LARGE1: variants seen among roughly 807,000 people sequenced by gnomAD.
LARGE1 encodes LARGE xylosyl- and glucuronyltransferase 1, also known as xylosyl- and glucuronyltransferase LARGE1.
Under a neutral mutation model 87.6 loss-of-function variants are expected in LARGE1, and 43 were observed. The ratio of observed to expected loss-of-function variants is 0.49; its 90% CI spans 0.38 to 0.63. The LOEUF (loss-of-function observed/expected upper bound fraction) is 0.63. Ranked by LOEUF, LARGE1 falls within the 30% of genes least tolerant of loss-of-function variation. The probability of loss-of-function intolerance (pLI) is 0.00; values close to 1 mark genes in which losing one functional copy is unlikely to be tolerated. For missense variants in LARGE1, 802 were observed against 1,000.2 expected (o/e 0.80, Z 2.67); for synonymous variants, 434 against 394.6 (o/e 1.10, Z -1.18).
chr22:33,584,332 G>A (rs1050654976), intron 5 of LARGE1, among the ~76,000 whole-genome samples: 1 of 152,056 alleles, frequency 6.6e-6, no homozygotes. Context: ...CCTAGCATGG[G>A]AACACCACAC....
chr22:33,175,834 C>A (rs1428609434), intron 11 of LARGE1, among the ~76,000 whole-genome samples: 1 of 152,128 alleles, frequency 6.6e-6, no homozygotes, highest in Non-Finnish European at 1.5e-5. Context: ...AAAAAAGAGC[C>A]CGCATTACCA....
intron 11 of LARGE1, among the ~76,000 whole-genome samples, chr22:33,173,140 A>G (rs1181333427): frequency 1.3e-5 from 2 of 152,248 alleles, no homozygotes; most frequent in African/African-American, 2.4e-5. Context: ...AGAGAAGCCC[A>G]TTCGATTAAC....
chr22:33,075,292 T>G, the LARGE1 span, among the ~76,000 whole-genome samples: 3 of 152,042 alleles, frequency 2.0e-5, no homozygotes, highest in Non-Finnish European at 4.4e-5. Context: ...ACCGTGGTCT[T>G]CTAACTTTAG....
chr22:33,476,137 T>C (rs2069066935), intron 6 of LARGE1, among the ~76,000 whole-genome samples: 1 of 152,262 alleles, frequency 6.6e-6, no homozygotes, highest in Non-Finnish European at 1.5e-5. Context: ...TCTGCTGAAC[T>C]TCACCTGGCA....
intron 3 of LARGE1, among the ~76,000 whole-genome samples, chr22:33,641,642 T>G (rs2080436388): frequency 6.6e-6 from 1 of 151,726 alleles, no homozygotes; most frequent in Non-Finnish European, 1.5e-5. Context: ...TGAAAAAAGG[T>G]TACAGGAAAT....
chr22:33,783,929 T>C (rs1477834394), intron 1 of LARGE1, among the ~76,000 whole-genome samples: 1 of 152,196 alleles, frequency 6.6e-6, no homozygotes, highest in African/African-American at 2.4e-5. Flanking sequence ...AAAGGACCTA[T>C]GTGTTTAAAA....
the LARGE1 span, among the ~76,000 whole-genome samples, chr22:33,112,399 G>A: frequency 3.9e-5 from 6 of 152,216 alleles, no homozygotes; most frequent in African/African-American, 1.4e-4. Flanking sequence ...GGGATTAAAC[G>A]AGAGAATGCA....
downstream of LARGE1, among the ~76,000 whole-genome samples, chr22:33,268,970 A>C (rs1241550815): frequency 1.3e-5 from 2 of 152,228 alleles, no homozygotes; most frequent in African/African-American, 4.8e-5. Flanking sequence ...TTACATATGC[A>C]TACAGACATA....
intron 6 of LARGE1, among the ~76,000 whole-genome samples, chr22:33,513,953 A>G (rs1203624968): frequency 6.6e-6 from 1 of 152,094 alleles, no homozygotes; most frequent in African/African-American, 2.4e-5. Flanking sequence ...CTATGTTGAG[A>G]TACACAAATA....
the LARGE1 span, among the ~76,000 whole-genome samples, chr22:33,089,969 A>T: frequency 9.3e-6 from 1 of 107,704 alleles, no homozygotes; most frequent in Non-Finnish European, 2.0e-5. Context: ...GAATGAAATG[A>T]TTAAAAAAAA....
chr22:33,223,505 G>T (rs577831124), intron 11 of LARGE1, among the ~76,000 whole-genome samples: 1 of 152,328 alleles, frequency 6.6e-6, no homozygotes, highest in South Asian at 2.1e-4. Flanking sequence ...TCAGGTGCAA[G>T]CAATGCCTAA....
At chr22:33,795,975 G>A (rs1192714544) in intron 1 of LARGE1, among the ~76,000 whole-genome samples, 2 of 146,368 alleles carry the variant, frequency 1.4e-5, no homozygotes, top group Non-Finnish European at 3.0e-5. Context: ...TTGTGCACAT[G>A]TACCCTAAAA....
At chr22:33,670,979 T>C (rs2081391646) in intron 2 of LARGE1, among the ~76,000 whole-genome samples, 1 of 152,026 alleles carries the variant, frequency 6.6e-6, no homozygotes. Context: ...CACCAAAAAA[T>C]GAGAAAATGT....
At chr22:33,197,780 T>C (rs1029906204) in intron 11 of LARGE1, among the ~76,000 whole-genome samples, 2 of 152,186 alleles carry the variant, frequency 1.3e-5, no homozygotes, top group Non-Finnish European at 2.9e-5. Context: ...GCACTGATAA[T>C]CTAATCCTAA....
intron 10 of LARGE1, among the ~76,000 whole-genome samples, chr22:33,333,026 G>A (rs577838068): frequency 0.1 from 13,827 of 133,584 alleles, 1,943 homozygotes; most frequent in African/African-American, 0.34. Context: ...TTTTTTTTTT[G>A]GACGGAGTCT....
intron 2 of LARGE1, among the ~76,000 whole-genome samples, chr22:33,746,691 A>G (rs1054230492): frequency 2.6e-5 from 4 of 152,358 alleles, no homozygotes; most frequent in African/African-American, 4.8e-5. Context: ...TACAAACAAT[A>G]TATTTGCCAG....
intron 1 of LARGE1, among the ~76,000 whole-genome samples, chr22:33,809,097 C>A (rs554530066): frequency 6.6e-6 from 1 of 152,152 alleles, no homozygotes; most frequent in African/African-American, 2.4e-5. Context: ...CATGGAGAAA[C>A]CCCATCTCTA....
chr22:33,839,005 C>T (rs1003283686), intron 1 of LARGE1, among the ~76,000 whole-genome samples: 1 of 152,134 alleles, frequency 6.6e-6, no homozygotes, highest in Middle Eastern at 3.2e-3. Flanking sequence ...CAGAAATAGC[C>T]CAGTCCATAG....
intron 11 of LARGE1, among the ~76,000 whole-genome samples, chr22:33,195,771 T>TC (rs1388591074): frequency 2.1e-5 from 3 of 139,966 alleles, no homozygotes; most frequent in Admixed American, 1.4e-4. Flanking sequence ...TTTTTTTTTT[T>TC]TGAGACGGAG....
Sources: allele counts gnomAD v4.1 joint callset (sites outside exome capture counted in the v4.1 genomes callset), GRCh38; gene constraint gnomAD v4.1.1; transcripts MANE v1.5; gene names NCBI Gene and HGNC (gene_info 2026-07-23, HGNC 2026-07-21).